Variants in BMPER observed in about 807,000 individuals in gnomAD.
BMPER encodes BMP binding endothelial regulator, also known as BMP-binding endothelial regulator protein.
A neutral mutation model predicts 87.3 loss-of-function variants in BMPER; 45 were observed. That is an observed-to-expected ratio of 0.52 (90% CI 0.41 to 0.66). The LOEUF (loss-of-function observed/expected upper bound fraction) is 0.66, where lower values mean the gene tolerates loss of function less well. Ranked by LOEUF, BMPER falls within the 30% of genes least tolerant of loss-of-function variation. BMPER has a pLI of 0.00. For synonymous variants in BMPER, 326 were observed against 316.2 expected (o/e 1.03, Z -0.33); for missense variants, 784 against 867.5 (o/e 0.90, Z 1.21).
chr7:33,914,855 G>A (rs984172261), intron 2 of BMPER, among the ~76,000 whole-genome samples: 23 of 152,330 alleles, frequency 1.5e-4, no homozygotes, highest in African/African-American at 5.1e-4. Context: ...GTTTGAAGAA[G>A]ACAAAGACTA....
chr7:33,925,988 C>T (rs12375129), intron 2 of BMPER, among the ~76,000 whole-genome samples: 30,719 of 152,098 alleles, frequency 0.2, 3,386 homozygotes, highest in Middle Eastern at 0.37. Context: ...ATTCCTGCCT[C>T]GCGTCTGAGC....
intron 3 of BMPER, among the ~76,000 whole-genome samples, chr7:33,949,041 A>G (rs771501074): frequency 1.3e-5 from 2 of 152,168 alleles, no homozygotes; most frequent in African/African-American, 2.4e-5. Context: ...ACAATTTGAA[A>G]GAAAGTATGT....
At chr7:33,915,280 A>T (rs1441315919) in intron 2 of BMPER, among the ~76,000 whole-genome samples, 3 of 152,200 alleles carry the variant, frequency 2.0e-5, no homozygotes, top group Non-Finnish European at 4.4e-5. Flanking sequence ...GGGATTTTTT[A>T]TTAGGAATAA....
At chr7:33,905,826 GGATGGGA>G in intron 1 of BMPER, 80 bp downstream of exon 1, 1 of 1,227,722 alleles carries the variant, frequency 8.1e-7, no homozygotes, top group Admixed American at 1.9e-5. Flanking sequence ...CTTGCCCCGG[GGATGGGA>G]GGGTGGGGAG....
In BMPER at chr7:33,930,866, T is replaced by C. The variant is rs1035573990; in HGVS notation, c.220-6423T>C. Among the ~76,000 whole-genome samples, 3 of 152,084 alleles carry C rather than the reference T, an allele frequency of 2.0e-5. No individual in the cohort carries two copies. In the East Asian group the frequency reaches 5.8e-4, roughly 29 times the overall value. ...TTCTGGAGGCTGAGATGGGAGATTG[T>C]TTGAGTTTGGGAGCTTGAGGCTGCA... is the stretch of plus-strand genomic sequence containing the variant. On this transcript the variant is annotated intron_variant, in intron 2 of 14. Coordinates refer to ENST00000649409, the MANE Select transcript of BMPER (RefSeq NM_001365308.1).
intron 11 of BMPER, among the ~76,000 whole-genome samples, chr7:34,067,865 T>C (rs995481372): frequency 2.0e-5 from 3 of 152,256 alleles, no homozygotes; most frequent in African/African-American, 7.2e-5. Context: ...ATACTGTTAC[T>C]TTAATTTTTC....
rs1248861759 is a variant in BMPER at position 34,094,399 on chromosome 7, G to A, written c.1745+8307G>A. Among the ~76,000 whole-genome samples, 3 of 152,296 alleles carry A rather than the reference G, an allele frequency of 2.0e-5. No individual in the cohort carries two copies. The East Asian group carries it at 5.8e-4, about 29-fold the overall frequency. On this transcript the variant is annotated intron_variant, in intron 13 of 14. Coordinates refer to ENST00000649409, the MANE Select transcript of BMPER (RefSeq NM_001365308.1). ...TGGGCCTGGGGGTGGCCGATTTTGA[G>A]GTAGGTGGGCAGGAAAAGACTGTGT...
At chr7:34,036,382 G>T (rs1364369577) in intron 6 of BMPER, among the ~76,000 whole-genome samples, 1 of 152,132 alleles carries the variant, frequency 6.6e-6, no homozygotes, top group Admixed American at 6.5e-5. Flanking sequence ...ATATTAGGAG[G>T]TGTTCTCCTG....
chr7:33,948,319 T>C (rs552706137), intron 3 of BMPER, among the ~76,000 whole-genome samples: 1 of 152,308 alleles, frequency 6.6e-6, no homozygotes, highest in East Asian at 1.9e-4. Flanking sequence ...AATCCTCCAA[T>C]CTTAGGCTTT....
intron 6 of BMPER, among the ~76,000 whole-genome samples, chr7:34,009,406 G>A (rs1786820000): frequency 6.6e-6 from 1 of 151,840 alleles, no homozygotes; most frequent in Non-Finnish European, 1.5e-5. Flanking sequence ...TCTATTAGTG[G>A]AAGGGAGGAC....
At chr7:34,090,809 T>G (rs1585823269) in intron 13 of BMPER, among the ~76,000 whole-genome samples, 1 of 152,316 alleles carries the variant, frequency 6.6e-6, no homozygotes, top group East Asian at 1.9e-4. Flanking sequence ...CCCAGACATT[T>G]AGAGACCACA....
intron 6 of BMPER, among the ~76,000 whole-genome samples, chr7:34,011,583 CA>C (rs36022297): frequency 0.024 from 1,121 of 45,788 alleles, 3 homozygotes; most frequent in African/African-American, 0.044. Flanking sequence ...TTGGTCAGGG[CA>C]AAAAAAAAAA....
chr7:33,978,920 T>C (rs1049825178), intron 6 of BMPER, among the ~76,000 whole-genome samples: 5 of 152,114 alleles, frequency 3.3e-5, no homozygotes, highest in East Asian at 1.9e-4. Flanking sequence ...GTTGTACGAG[T>C]ACTAAAAAGT....
intron 6 of BMPER, among the ~76,000 whole-genome samples, chr7:34,026,026 T>G (rs751636287): frequency 1.3e-5 from 2 of 152,048 alleles, no homozygotes; most frequent in African/African-American, 2.4e-5. Flanking sequence ...TTTTGGAGTT[T>G]CAGGCACAAT....
chr7:33,980,453 G>A (rs1312877037), intron 6 of BMPER, among the ~76,000 whole-genome samples: 1 of 152,220 alleles, frequency 6.6e-6, no homozygotes, highest in Non-Finnish European at 1.5e-5. Flanking sequence ...CTGCTTAACT[G>A]TATAGCAAAC....
chr7:33,984,711 G>T (rs1042660791), intron 6 of BMPER, among the ~76,000 whole-genome samples: 1 of 152,172 alleles, frequency 6.6e-6, no homozygotes, highest in African/African-American at 2.4e-5. Flanking sequence ...AGATTTGAGT[G>T]AAATTTGGAA....
intron 6 of BMPER, among the ~76,000 whole-genome samples, chr7:34,026,164 T>A (rs533612907): frequency 6.6e-6 from 1 of 152,106 alleles, no homozygotes; most frequent in African/African-American, 2.4e-5. Flanking sequence ...GACTGGGTGA[T>A]CCTCTTTCTT....
chr7:33,924,788 C>T (rs1784322198), intron 2 of BMPER, among the ~76,000 whole-genome samples: 1 of 152,192 alleles, frequency 6.6e-6, no homozygotes, highest in South Asian at 2.1e-4. Context: ...CTGCCTCAAT[C>T]TCCTGAGTAG....
At chr7:33,939,864 C>G in intron 3 of BMPER, 1 of 199,158 alleles carries the variant, frequency 5.0e-6, no homozygotes. Context: ...TGAAAATGAA[C>G]TAATACAGTG....
Sources: gnomAD v4.1 joint callset for allele counts (sites outside exome capture counted in the v4.1 genomes callset) on GRCh38, gnomAD v4.1.1 for gene constraint, MANE v1.5 for transcripts, NCBI Gene and HGNC (gene_info 2026-07-23, HGNC 2026-07-21) for gene names.